Variants in NAV3 observed in about 807,000 individuals in gnomAD.
NAV3 encodes the protein pore membrane and/or filament interacting like protein 1.
NAV3 carries 87 observed loss-of-function variants against 244.7 expected under a neutral mutation model. The ratio of observed to expected loss-of-function variants is 0.36; its 90% CI spans 0.30 to 0.42. The LOEUF (loss-of-function observed/expected upper bound fraction) is 0.42. NAV3 is among the 20% of genes least tolerant of loss of function. NAV3 has a pLI of 1.00. For synonymous variants in NAV3, 1,126 were observed against 1,042.2 expected (o/e 1.08, Z -1.55); for missense variants, 2,663 against 2,893.3 (o/e 0.92, Z 1.83).
chr12:77,613,896 C>A (rs758094196), intron 2 of NAV3, among the ~76,000 whole-genome samples: 4 of 151,950 alleles, frequency 2.6e-5, no homozygotes, highest in Non-Finnish European at 5.9e-5. Flanking sequence ...CTGATCCATG[C>A]GATGATGAAC....
chr12:77,774,862 T>A (rs1870270196), intron 2 of NAV3, among the ~76,000 whole-genome samples: 1 of 152,226 alleles, frequency 6.6e-6, no homozygotes, highest in Non-Finnish European at 1.5e-5. Flanking sequence ...ACAGTCTGTA[T>A]AGAAGAAATT....
chr12:77,927,973 C>A (rs528181313), intron 1 of NAV3, among the ~76,000 whole-genome samples: 26 of 151,992 alleles, frequency 1.7e-4, no homozygotes, highest in Admixed American at 3.3e-4. Context: ...GTAATCCCAG[C>A]ACTTTGGGAG....
chr12:77,878,509 G>T (rs913960994), intron 1 of NAV3, among the ~76,000 whole-genome samples: 1 of 151,954 alleles, frequency 6.6e-6, no homozygotes, highest in Non-Finnish European at 1.5e-5. Flanking sequence ...GGTTACAGGC[G>T]TGAACCACCA....
intron 2 of NAV3, among the ~76,000 whole-genome samples, chr12:77,653,822 C>T (rs1284090852): frequency 1.2e-4 from 18 of 152,082 alleles, no homozygotes; most frequent in Admixed American, 1.2e-3. Flanking sequence ...CATTATAGCT[C>T]TGTACACATA....
intron 5 of NAV3, among the ~76,000 whole-genome samples, chr12:77,972,946 T>A (rs1022658654): frequency 6.6e-6 from 1 of 151,850 alleles, no homozygotes; most frequent in Non-Finnish European, 1.5e-5. Context: ...ACTCAGTAAA[T>A]GAATGCATGA....
chr12:77,964,274 A>G (rs1262817611), intron 3 of NAV3, among the ~76,000 whole-genome samples: 1 of 152,138 alleles, frequency 6.6e-6, no homozygotes. Context: ...CATGTATAAT[A>G]TGAGTAACTA....
chr12:77,814,330 C>A (rs1178484199), intron 2 of NAV3, among the ~76,000 whole-genome samples: 1 of 152,058 alleles, frequency 6.6e-6, no homozygotes, highest in African/African-American at 2.4e-5. Flanking sequence ...AAGAATCATT[C>A]GAGAAGATGT....
At chr12:78,208,007 C>T (rs1049075991) in intron 39 of NAV3, among the ~76,000 whole-genome samples, 1 of 151,968 alleles carries the variant, frequency 6.6e-6, no homozygotes, top group East Asian at 1.9e-4. Flanking sequence ...CTATAGATGC[C>T]CTATTCCATT....
chr12:78,188,214 G>A (rs777419914), intron 31 of NAV3, 34 bp from the exon 32 acceptor site: 1 of 1,441,690 alleles, frequency 6.9e-7, no homozygotes, highest in Non-Finnish European at 9.7e-7. Flanking sequence ...ATACACGGTT[G>A]GATTTTATCT....
At chr12:78,127,568 A>G (rs142556852) in intron 17 of NAV3, among the ~76,000 whole-genome samples, 107 of 152,324 alleles carry the variant, frequency 7.0e-4, no homozygotes, top group African/African-American at 2.5e-3. Flanking sequence ...TCACTTCAAC[A>G]AATTAAAATA....
chr12:77,854,303 C>A (rs1247302451), intron 1 of NAV3, among the ~76,000 whole-genome samples: 2 of 152,162 alleles, frequency 1.3e-5, no homozygotes, highest in Admixed American at 1.3e-4. Flanking sequence ...GCAGCTCTAT[C>A]ATATTTTTGG....
At chr12:77,594,225 T>G (rs1485109581) in intron 2 of NAV3, among the ~76,000 whole-genome samples, 2 of 152,054 alleles carry the variant, frequency 1.3e-5, no homozygotes, top group African/African-American at 4.8e-5. Context: ...GATGTTGAGG[T>G]GGGGAGGAAG....
rs535980604 is a variant in NAV3, at chr12:77,718,642, T to C, written c.72+146376T>C. Among the ~76,000 whole-genome samples the C allele has an allele frequency of 2.6e-5, 4 of 152,142 alleles. No individual in the cohort carries two copies. In the East Asian group the frequency reaches 7.7e-4, roughly 29 times the overall value. ...GATGGAGATTTATTTGAATATCCAATTCATGTATATAGGATGTCTTTTCTT... is the reference window on the plus strand; with the variant it reads ...GATGGAGATTTATTTGAATATCCAACTCATGTATATAGGATGTCTTTTCTT... On this transcript the variant is annotated intron_variant, in intron 2 of 8. Transcript: ENST00000550042.
chr12:78,124,674 G>A lies in NAV3; in HGVS notation c.4238+2246G>A, dbSNP rs139889468. 2.9e-3 allele frequency among the ~76,000 whole-genome samples: 441 copies of A among 152,060 alleles called. 5 individuals are homozygous for A. Among genetic ancestry groups the A allele is most frequent in the East Asian group, 0.028 (146 of 5,146 alleles). The stretch of plus-strand genomic sequence containing the variant: ...TCACCATGTTGGCCAGGCTGGTCTC[G>A]AACTCCTGACTTCAAGCGATCTACC... On this transcript the variant is annotated intron_variant, in intron 16 of 39. Coordinates refer to ENST00000397909, the MANE Select transcript of NAV3 (RefSeq NM_001024383.2).
At chr12:77,863,654 G>C (rs559425017) in intron 1 of NAV3, among the ~76,000 whole-genome samples, 1 of 151,570 alleles carries the variant, frequency 6.6e-6, no homozygotes, top group African/African-American at 2.4e-5. Context: ...AATGTTTACG[G>C]AATTCATCCA....
chr12:78,154,863 G>T (rs1244333338), intron 22 of NAV3, among the ~76,000 whole-genome samples: 1 of 151,856 alleles, frequency 6.6e-6, no homozygotes, highest in Non-Finnish European at 1.5e-5. Context: ...CTTCATTAAG[G>T]TGATAAAGAT....
At chr12:77,862,863 A>G (rs772529901) in intron 1 of NAV3, among the ~76,000 whole-genome samples, 6 of 151,710 alleles carry the variant, frequency 4.0e-5, no homozygotes, top group Non-Finnish European at 8.9e-5. Flanking sequence ...TAGGGAAAGG[A>G]TGAAGGAGGA....
chr12:77,765,763 G>C (rs1237930691), intron 2 of NAV3, among the ~76,000 whole-genome samples: 1 of 151,824 alleles, frequency 6.6e-6, no homozygotes, highest in Admixed American at 6.6e-5. Flanking sequence ...ATGCAGACTG[G>C]GAATAGAAGT....
intron 14 of NAV3, among the ~76,000 whole-genome samples, chr12:78,118,499 T>C (rs1403974744): frequency 6.6e-6 from 1 of 152,216 alleles, no homozygotes; most frequent in African/African-American, 2.4e-5. Flanking sequence ...TATCTAGGCA[T>C]TCTCTGGAAA....
Sources: allele counts gnomAD v4.1 joint callset (sites outside exome capture counted in the v4.1 genomes callset), GRCh38; gene constraint gnomAD v4.1.1; transcripts MANE v1.5; gene names NCBI Gene and HGNC (gene_info 2026-07-23, HGNC 2026-07-21).